LPAR3: variants seen among roughly 807,000 people sequenced by gnomAD.
LPAR3 encodes LPA receptor 3.
In LPAR3, 7 loss-of-function variants were observed where a neutral mutation model predicts 17.8. That is an observed-to-expected ratio of 0.39 (90% CI 0.22 to 0.74). LPAR3 has a LOEUF of 0.74. Ranked by LOEUF, LPAR3 falls within the 30% of genes least tolerant of loss-of-function variation. LPAR3 has a pLI of 0.40. For synonymous variants in LPAR3, 179 were observed against 179.9 expected, an observed-to-expected ratio of 0.99 and a Z score of 0.04; for missense variants, 391 against 453.4, an observed-to-expected ratio of 0.86 and a Z score of 1.25.
intron 2 of LPAR3, among the ~76,000 whole-genome samples, chr1:84,837,862 G>T (rs1034390989): frequency 1.3e-5 from 2 of 152,114 alleles, no homozygotes; most frequent in African/African-American, 4.8e-5. Context: ...CAAAACCAGG[G>T]TATCTGTTAT....
At chr1:84,871,398 A>C (rs1406030282) in intron 1 of LPAR3, among the ~76,000 whole-genome samples, 1 of 152,144 alleles carries the variant, frequency 6.6e-6, no homozygotes, top group Non-Finnish European at 1.5e-5. Flanking sequence ...TTTGAAAACC[A>C]CTCAAGCAGC....
chr1:84,815,282 G>A (rs1257580525), intron 2 of LPAR3, among the ~76,000 whole-genome samples: 2 of 152,094 alleles, frequency 1.3e-5, no homozygotes, highest in South Asian at 2.1e-4. Context: ...GGTTGCTTTC[G>A]GCGAATGTCC....
At chr1:84,889,240 G>A (rs1469065370) in intron 1 of LPAR3, among the ~76,000 whole-genome samples, 1 of 152,148 alleles carries the variant, frequency 6.6e-6, no homozygotes, top group Non-Finnish European at 1.5e-5. Flanking sequence ...GACAGGTAGA[G>A]AGCAACAAAT....
chr1:84,823,488 T>C (rs1423733295), intron 2 of LPAR3, among the ~76,000 whole-genome samples: 1 of 152,222 alleles, frequency 6.6e-6, no homozygotes, highest in Admixed American at 6.5e-5. Context: ...AAATGATTCA[T>C]TTAACACTAT....
intron 2 of LPAR3, among the ~76,000 whole-genome samples, chr1:84,850,010 C>T (rs1390376157): frequency 1.3e-5 from 2 of 152,162 alleles, no homozygotes; most frequent in African/African-American, 4.8e-5. Context: ...TGGTTGACAG[C>T]TCTGCTGTCA....
intron 2 of LPAR3, among the ~76,000 whole-genome samples, chr1:84,863,010 T>C (rs1263443102): frequency 1.3e-5 from 2 of 151,822 alleles, no homozygotes; most frequent in Middle Eastern, 3.2e-3. Flanking sequence ...GGGAAAATTC[T>C]ACGAAACCAC....
intron 1 of LPAR3, among the ~76,000 whole-genome samples, chr1:84,879,739 A>C (rs972873727): frequency 6.6e-6 from 1 of 152,104 alleles, no homozygotes; most frequent in African/African-American, 2.4e-5. Context: ...AGTTCTTACC[A>C]CTAGAATGTA....
At chr1:84,859,823 A>G (rs1427007521) in intron 2 of LPAR3, among the ~76,000 whole-genome samples, 1 of 152,230 alleles carries the variant, frequency 6.6e-6, no homozygotes, top group South Asian at 2.1e-4. Context: ...AATAAAGCAA[A>G]GTCCAGCCCA....
intron 1 of LPAR3, among the ~76,000 whole-genome samples, chr1:84,886,921 TTAAAA>T (rs1660471888): frequency 6.6e-6 from 1 of 152,018 alleles, no homozygotes; most frequent in Admixed American, 6.6e-5. Flanking sequence ...AATTTGAGCA[TTAAAA>T]TAAAAAACAA....
chr1:84,844,676 A>T (rs1659564421), intron 2 of LPAR3, among the ~76,000 whole-genome samples: 1 of 152,216 alleles, frequency 6.6e-6, no homozygotes, highest in Non-Finnish European at 1.5e-5. Context: ...AGAATTAGAC[A>T]TATGTTTATA....
chr1:84,836,182 A>G (rs1006388967), intron 2 of LPAR3, among the ~76,000 whole-genome samples: 6 of 151,558 alleles, frequency 4.0e-5, no homozygotes, highest in African/African-American at 1.2e-4. Context: ...ACAAAAAAAT[A>G]TAAAAATTGG....
intron 2 of LPAR3, among the ~76,000 whole-genome samples, chr1:84,847,261 T>C (rs1570879376): frequency 6.6e-6 from 1 of 152,210 alleles, no homozygotes; most frequent in East Asian, 1.9e-4. Context: ...GCTTCTGAAA[T>C]GTTTGTGCCT....
intron 2 of LPAR3, among the ~76,000 whole-genome samples, chr1:84,839,919 TTA>T (rs1161248661): frequency 1.3e-5 from 2 of 152,136 alleles, no homozygotes; most frequent in Non-Finnish European, 2.9e-5. Flanking sequence ...GCAAATACAA[TTA>T]TATAAGTGCT....
intron 2 of LPAR3, among the ~76,000 whole-genome samples, chr1:84,834,302 A>G (rs1213381002): frequency 1.3e-5 from 2 of 152,236 alleles, no homozygotes. Flanking sequence ...TGATCAAATG[A>G]GTGCATAAAT....
rs1658822141 is a variant in LPAR3, at chr1:84,811,951, A to G, written c.*1895T>C. 1.3e-5 allele frequency: 2 copies of G among 152,178 alleles called. No homozygotes were observed. The highest frequency in any genetic ancestry group is 2.9e-5 in the Non-Finnish European group (2 of 68,020). The allele number at this position is 152,178 out of a possible 1,614,324, so 9.4% of individuals were successfully genotyped here. A position where few individuals can be genotyped will look rare whatever the true frequency, so the allele number is the denominator to read the frequency against. ...TATGAAACATCATTTTTTCTTTCTTAACTACTTGTCTTTCATGTTGCCTAC... is the reference window on the plus strand; with the variant it reads ...TATGAAACATCATTTTTTCTTTCTTGACTACTTGTCTTTCATGTTGCCTAC... On this transcript the variant is annotated 3_prime_UTR_variant, in exon 3 of 3. Transcript: ENST00000370611.
intron 1 of LPAR3, among the ~76,000 whole-genome samples, chr1:84,892,729 A>G (rs1335017918): frequency 6.6e-6 from 1 of 152,224 alleles, no homozygotes; most frequent in Non-Finnish European, 1.5e-5. Flanking sequence ...CTCTGCGCCC[A>G]GCCCGCCAGC....
chr1:84,823,243 C>G (rs540965620), intron 2 of LPAR3, among the ~76,000 whole-genome samples: 1 of 152,222 alleles, frequency 6.6e-6, no homozygotes, highest in Admixed American at 6.5e-5. Flanking sequence ...TGAAAATGCT[C>G]TTACGACATT....
At chr1:84,858,225 C>T (rs752686447) in intron 2 of LPAR3, among the ~76,000 whole-genome samples, 3 of 152,032 alleles carry the variant, frequency 2.0e-5, no homozygotes, top group Non-Finnish European at 2.9e-5. Context: ...TTCATGCCTG[C>T]AATCCCAGCA....
chr1:84,873,063 A>T (rs1660186204), intron 1 of LPAR3, among the ~76,000 whole-genome samples: 1 of 152,142 alleles, frequency 6.6e-6, no homozygotes, highest in East Asian at 1.9e-4. Context: ...GGTACTCATC[A>T]AAAACAAAGA....
Sources: allele counts gnomAD v4.1 joint callset (sites outside exome capture counted in the v4.1 genomes callset), GRCh38; gene constraint gnomAD v4.1.1; transcripts MANE v1.5; gene names NCBI Gene and HGNC (gene_info 2026-07-23, HGNC 2026-07-21).